The following MAPK12 variants were observed in gnomAD, a reference collection of about 807,000 sequenced individuals.
The protein encoded by MAPK12 is MAP kinase 12.
Under a neutral mutation model 49.1 loss-of-function variants are expected in MAPK12, and 49 were observed. That is an observed-to-expected ratio of 1.00 (90% CI 0.79 to 1.27). MAPK12 has a LOEUF of 1.27. MAPK12 is among the 50% of genes most tolerant of loss of function. The pLI is 0.00. For synonymous variants in MAPK12, 251 were observed against 209.7 expected, an observed-to-expected ratio of 1.20 and a Z score of -1.70; for missense variants, 554 against 502.4, an observed-to-expected ratio of 1.10 and a Z score of -0.98.
intron 11 of MAPK12, 113 bp from the exon 12 acceptor site, chr22:50,253,593 C>T (rs2065120687): frequency 1.5e-6 from 1 of 676,344 alleles, no homozygotes; most frequent in East Asian, 2.7e-5. Context: ...CTTCTCTAAT[C>T]CTAATGTGGT....
chr22:50,259,828 G>A (rs1047612063), intron 2 of MAPK12, among the ~76,000 whole-genome samples: 2 of 151,940 alleles, frequency 1.3e-5, no homozygotes, highest in Non-Finnish European at 2.9e-5. Flanking sequence ...AGGTTGCAGT[G>A]AGCTGAGATC....
At chr22:50,258,708 G>A (rs2065178413) in intron 2 of MAPK12, among the ~76,000 whole-genome samples, 1 of 152,260 alleles carries the variant, frequency 6.6e-6, no homozygotes, top group Non-Finnish European at 1.5e-5. Context: ...TGCTGGTGAG[G>A]CCCAGGCGGA....
chr22:50,261,500 G>A lies in MAPK12; in HGVS notation c.10C>T (p.Pro4Ser). The change falls in exon 1 of 12, where the codon CCG (proline) becomes TCG (serine). Residue 4 changes from proline (P) to serine (S), a missense_variant. Physicochemically the swap from Pro to Ser is moderately conservative, Grantham distance 74 (BLOSUM62 -1). Transcript: ENST00000215659. MSS[P>S]PPARSGFYRQ... Reference sequence around the variant, plus strand: ...TAAAAGCCACTGCGGGCGGGCGGCGGAGAGCTCATGGCAGGCCCGGGAGCT... The same window carrying A: ...TAAAAGCCACTGCGGGCGGGCGGCGAAGAGCTCATGGCAGGCCCGGGAGCT... The A allele has an allele frequency of 8.1e-7, 1 of 1,240,958 alleles. No homozygotes were observed. The highest frequency in any genetic ancestry group is 1.0e-6 in the Non-Finnish European group (1 of 968,620). 76.9% of individuals were successfully genotyped at this position (1,240,958 alleles called of 1,614,324 possible). A position where few individuals can be genotyped will look rare whatever the true frequency, so the allele number is the denominator to read the frequency against.
intron 4 of MAPK12, 36 bp downstream of exon 4, chr22:50,257,033 AGCCCCGAGGCCCT>A: frequency 6.2e-7 from 1 of 1,603,764 alleles, no homozygotes; most frequent in Non-Finnish European, 8.5e-7. Flanking sequence ...TCCTCTGCCC[AGCCCCGAGGCCCT>A]GCCTGCCTCC....
In MAPK12 at chr22:50,261,600, G is replaced by T. The variant is rs1348946551; in HGVS notation, c.-91C>A. 3.0e-6 allele frequency: 3 copies of T among 1,002,452 alleles called. No individual in the cohort carries two copies. The highest frequency in any genetic ancestry group is 3.6e-6 in the Non-Finnish European group (3 of 843,424). The allele number at this position is 1,002,452 out of a possible 1,614,324, so 62.1% of individuals were successfully genotyped here. A position where few individuals can be genotyped will look rare whatever the true frequency, so the allele number is the denominator to read the frequency against. ...CTCCCTCGGCGCGCGCCTCGGGCCG[G>T]CTCCGCGCCGCTCGTCCGCTCGCCC... On this transcript the variant is annotated 5_prime_UTR_variant, in exon 1 of 12. Transcript: ENST00000215659.
rs1601642474 is a variant in MAPK12 at position 50,256,896 on chromosome 22, G to T, written c.456+39C>A. The T allele has an allele frequency of 8.8e-6, 14 of 1,599,038 alleles. No homozygotes were observed. The East Asian group carries it at 2.9e-4, about 33-fold the overall frequency. The stretch of plus-strand genomic sequence containing the variant: ...GACGTGGAGGCGGGGGGATTGCACT[G>T]GGGGAGGGCTGATGAGCGGCTTCTC... On this transcript the variant is annotated intron_variant, in intron 5 of 11. Transcript: ENST00000215659.
At chr22:50,257,621 C>T (rs1310726043) in intron 3 of MAPK12, 11 of 565,308 alleles carry the variant, frequency 1.9e-5, no homozygotes, top group East Asian at 3.0e-5. Flanking sequence ...TGCCTGGGGG[C>T]GATGGGGGCG....
rs1346872229 is a variant in MAPK12 at position 50,261,202 on chromosome 22, C to G, written c.220G>C (p.Glu74Gln). ...SELFAKRAYR[E>Q]LRLLKHMRHE... ...CGCATGTGCTTGAGCAGGCGCAGCT[C>G]GCGGTAGGCGCGCTTGGCGAACAGC... Residue 74 changes from glutamate to glutamine, a missense_variant, in exon 2 of 12, where the codon GAG becomes CAG. Transcript: ENST00000215659. 1 of 1,590,684 alleles carries G rather than the reference C, an allele frequency of 6.3e-7. No individual in the cohort carries two copies. Among genetic ancestry groups the G allele is most frequent in the Non-Finnish European group, 8.5e-7 (1 of 1,169,834 alleles).
intron 11 of MAPK12, chr22:50,254,796 G>A (rs2065131391): frequency 7.8e-6 from 9 of 1,148,190 alleles, no homozygotes; most frequent in Non-Finnish European, 9.8e-6. Context: ...CAGGTCTGGG[G>A]GCCAGGAGGG....
intron 6 of MAPK12, 75 bp downstream of exon 6, chr22:50,256,524 T>C: frequency 6.5e-7 from 1 of 1,544,628 alleles, no homozygotes; most frequent in Non-Finnish European, 8.8e-7. Context: ...TGCCCAGGCC[T>C]GACAGGTGGA....
intron 7 of MAPK12, 41 bp downstream of exon 7, chr22:50,256,044 G>A (rs1410576098): frequency 5.1e-6 from 8 of 1,567,150 alleles, no homozygotes; most frequent in Non-Finnish European, 6.1e-6. Context: ...AGAAGCAGAT[G>A]GTGCAGCCTG....
chr22:50,253,501 G>GGGGGGGA, intron 11 of MAPK12, 21 bp from the exon 12 acceptor site: 6 of 354,170 alleles, frequency 1.7e-5, no homozygotes, highest in Non-Finnish European at 2.3e-5. Flanking sequence ...TGGGGGGGCG[G>GGGGGGGA]GCACAACAGA....
intron 2 of MAPK12, chr22:50,260,897 G>T: frequency 3.0e-6 from 1 of 334,010 alleles, no homozygotes; most frequent in Non-Finnish European, 5.6e-6. Flanking sequence ...TGGCCAAGTC[G>T]TGTTCCCTGA....
chr22:50,261,240 G>A lies in MAPK12; in HGVS notation c.182C>T (p.Pro61Leu), dbSNP rs558276175. 435 of 1,573,320 alleles carry A rather than the reference G, an allele frequency of 2.8e-4. No homozygotes were observed. In the African/African-American group the frequency reaches 5.1e-3, roughly 19 times the overall value. Residue 61 changes from proline to leucine, a missense_variant, in exon 2 of 12, where the codon CCT becomes CTT. Transcript: ENST00000215659. ...AKVAIKKLYR[P>L]FQSELFAKRA... The stretch of plus-strand genomic sequence containing the variant: ...CTTGGCGAACAGCTCGGACTGGAAA[G>A]GCCGATACAGCTTCTTGATGGCCAC...
In MAPK12 at chr22:50,261,586, C is replaced by A. The variant is rs1453182486; in HGVS notation, c.-77G>T. On this transcript the variant is annotated 5_prime_UTR_variant, in exon 1 of 12. Transcript: ENST00000215659. The stretch of plus-strand genomic sequence containing the variant: ...GACCGGGGACGGGGCTCCCTCGGCG[C>A]GCGCCTCGGGCCGGCTCCGCGCCGC... 5.9e-6 allele frequency: 6 copies of A among 1,011,024 alleles called. No individual in the cohort carries two copies. Among genetic ancestry groups the A allele is most frequent in the Non-Finnish European group, 7.1e-6 (6 of 849,350 alleles). The allele number at this position is 1,011,024 out of a possible 1,614,324, so 62.6% of individuals were successfully genotyped here.
Position 50,255,240 on chromosome 22 carries a change from A to T in MAPK12, c.981T>A (p.Asp327Glu), listed in dbSNP as rs759235816. 1.9e-6 allele frequency: 3 copies of T among 1,613,972 alleles called. No individual in the cohort carries two copies. Among genetic ancestry groups the T allele is most frequent in the South Asian group, 2.2e-5 (2 of 91,092 alleles). ...TGCGGTCAACGTCGTCAAAGGAGTC[A>T]TCATACTTCTGGACCTGGGGCTCAT... ...TEDEPQVQKY[D>E]DSFDDVDRTL... The change falls in exon 11 of 12, where the codon GAT becomes GAA. Residue 327 changes from aspartate to glutamate, a missense_variant. Coordinates refer to ENST00000215659, the MANE Select transcript of MAPK12 (RefSeq NM_002969.6).
Position 50,261,162 on chromosome 22 carries a change from C to T in MAPK12, c.255+5G>A. On this transcript the variant is annotated splice_donor_5th_base_variant and intron_variant, in intron 2 of 11. Coordinates refer to ENST00000215659, the MANE Select transcript of MAPK12 (RefSeq NM_002969.6). ...GCCTTCCCGGAGCGGGGCCGCGCGA[C>T]TCACGTTCTCGTGGCGCATGTGCTT... The T allele has an allele frequency of 6.3e-7, 1 of 1,582,754 alleles. No individual in the cohort carries two copies.
Position 50,253,491 on chromosome 22 carries a change from TGG to T in MAPK12, c.1025-13_1025-12del. ...CTTTGTAAGTAACACCTGGCGGGGG[TGG>T]GGGGGCGGGCACAACAGAGAGGGGG... On this transcript the variant is annotated splice_polypyrimidine_tract_variant and intron_variant, in intron 11 of 11. Coordinates refer to ENST00000215659, the MANE Select transcript of MAPK12 (RefSeq NM_002969.6). 2 of 103,846 alleles carry T rather than the reference TGG, an allele frequency of 1.9e-5. No homozygotes were observed. Among genetic ancestry groups the T allele is most frequent in the Non-Finnish European group, 1.7e-5 (1 of 58,508 alleles). The allele number at this position is 103,846 out of a possible 1,614,324, so 6.4% of individuals were successfully genotyped here.
chr22:50,253,513 A>AG (rs752065520), intron 11 of MAPK12, 33 bp from the exon 12 acceptor site: 1 of 810,640 alleles, frequency 1.2e-6, no homozygotes, highest in Non-Finnish European at 2.1e-6. Context: ...CACAACAGAG[A>AG]GGGGGGTCAG....
Sources: gnomAD v4.1 joint callset for allele counts (sites outside exome capture counted in the v4.1 genomes callset) on GRCh38, gnomAD v4.1.1 for gene constraint, MANE v1.5 for transcripts, NCBI Gene and HGNC (gene_info 2026-07-23, HGNC 2026-07-21) for gene names.